The following BRINP2 variants were observed in gnomAD, a reference collection of about 807,000 sequenced individuals.
BRINP2 encodes the protein BMP/retinoic acid-inducible neural-specific protein 2.
In BRINP2, 21 loss-of-function variants were observed where a neutral mutation model predicts 69.2. That is an observed-to-expected ratio of 0.30 (90% confidence interval 0.22 to 0.44). The LOEUF (loss-of-function observed/expected upper bound fraction) is 0.44, where lower values mean the gene tolerates loss of function less well. Among genes scored for constraint, BRINP2 ranks in the 20% least tolerant of loss-of-function variants. BRINP2 has a pLI of 1.00. For missense variants in BRINP2, 877 were observed against 986.0 expected, an observed-to-expected ratio of 0.89 and a Z score of 1.48; for synonymous variants, 380 against 394.1, an observed-to-expected ratio of 0.96 and a Z score of 0.42.
At chr1:177,238,682 C>G (rs1169759506) in intron 2 of BRINP2, among the ~76,000 whole-genome samples, 1 of 152,072 alleles carries the variant, frequency 6.6e-6, no homozygotes, top group East Asian at 1.9e-4. Context: ...CCCCAATTCT[C>G]CCATGGGAAG....
chr1:177,226,135 C>T (rs1649683264), intron 1 of BRINP2, among the ~76,000 whole-genome samples: 2 of 152,214 alleles, frequency 1.3e-5, no homozygotes, highest in South Asian at 4.1e-4. Flanking sequence ...GTGCTCTCAC[C>T]TGTCCTTAGA....
chr1:177,243,639 T>C (rs1320145123), intron 2 of BRINP2, among the ~76,000 whole-genome samples: 1 of 152,164 alleles, frequency 6.6e-6, no homozygotes, highest in Non-Finnish European at 1.5e-5. Flanking sequence ...ATTGGATAGA[T>C]ACAATCAAGA....
rs149517241 is a variant in BRINP2 at position 177,227,804 on chromosome 1, A to T, written c.-76-1997A>T. Among the ~76,000 whole-genome samples, 47 of 152,292 alleles carry T rather than the reference A, an allele frequency of 3.1e-4. 1 individual carries two copies. In the East Asian group the frequency reaches 7.0e-3, roughly 23 times the overall value. On this transcript the variant is annotated intron_variant, in intron 1 of 7. Transcript: ENST00000361539. The stretch of plus-strand genomic sequence containing the variant: ...TTCATATACTAAGTTCTAATATATA[A>T]AAAGGTTTATTTCTGAGCTATCTAT...
At chr1:177,191,902 AC>A (rs1158917432) in intron 1 of BRINP2, among the ~76,000 whole-genome samples, 6 of 152,350 alleles carry the variant, frequency 3.9e-5, no homozygotes, top group African/African-American at 1.4e-4. Context: ...AATCACCTTT[AC>A]AAAGAGAAGA....
At chr1:177,252,272 G>T (rs1422229898) in intron 2 of BRINP2, among the ~76,000 whole-genome samples, 11 of 152,132 alleles carry the variant, frequency 7.2e-5, no homozygotes, top group Non-Finnish European at 1.5e-4. Context: ...CGGGAATTTT[G>T]AAGACTTTGT....
chr1:177,217,274 T>C (rs1649407510), intron 1 of BRINP2, among the ~76,000 whole-genome samples: 1 of 152,158 alleles, frequency 6.6e-6, no homozygotes, highest in African/African-American at 2.4e-5. Flanking sequence ...CTCAGCTTGA[T>C]AAAGTCAGCT....
At chr1:177,250,919 A>G (rs1472455373) in intron 2 of BRINP2, among the ~76,000 whole-genome samples, 1 of 152,252 alleles carries the variant, frequency 6.6e-6, no homozygotes, top group Non-Finnish European at 1.5e-5. Flanking sequence ...CATCTATAAA[A>G]TGAAGATAAT....
chr1:177,251,784 A>G (rs900826538), intron 2 of BRINP2, among the ~76,000 whole-genome samples: 3 of 152,178 alleles, frequency 2.0e-5, no homozygotes, highest in African/African-American at 7.2e-5. Flanking sequence ...TTTATTTATT[A>G]TATTTAATTA....
intron 4 of BRINP2, among the ~76,000 whole-genome samples, chr1:177,263,760 A>G (rs573763808): frequency 6.6e-6 from 1 of 152,268 alleles, no homozygotes; most frequent in African/African-American, 2.4e-5. Flanking sequence ...GAGGTAGGGT[A>G]TATTTGAGAG....
At position 177,276,530 on chromosome 1, in the gene BRINP2, A is replaced by T. The variant is rs74488978; in HGVS notation, c.1012+96A>T. The T allele has an allele frequency of 3.4e-3, 3,867 of 1,137,596 alleles. 96 individuals are homozygous for T. In the African/African-American group the frequency reaches 0.053, roughly 16 times the overall value. 70.5% of individuals were successfully genotyped at this position (1,137,596 alleles called of 1,614,324 possible). ...CAAAACTTGAGAGTTGAGGATCCTC[A>T]TGGGGATCCTGACATGACCACTTAA... On this transcript the variant is annotated intron_variant, in intron 6 of 7. Transcript: ENST00000361539.
chr1:177,232,007 C>G (rs1649873197), intron 2 of BRINP2, among the ~76,000 whole-genome samples: 1 of 152,180 alleles, frequency 6.6e-6, no homozygotes, highest in Non-Finnish European at 1.5e-5. Flanking sequence ...AAAATCCACT[C>G]TAGAATGTGC....
At chr1:177,201,025 G>T (rs534258129) in intron 1 of BRINP2, among the ~76,000 whole-genome samples, 117 of 152,022 alleles carry the variant, frequency 7.7e-4, no homozygotes, top group Non-Finnish European at 1.4e-3. Context: ...TGGACTTTGG[G>T]GACTCAGGGG....
chr1:177,245,160 A>T (rs1650335221), intron 2 of BRINP2, among the ~76,000 whole-genome samples: 1 of 152,134 alleles, frequency 6.6e-6, no homozygotes, highest in Admixed American at 6.5e-5. Context: ...GATAATGGTC[A>T]TAGTGATGGT....
intron 1 of BRINP2, among the ~76,000 whole-genome samples, chr1:177,219,149 T>C (rs940593626): frequency 1.3e-5 from 2 of 152,226 alleles, no homozygotes; most frequent in Non-Finnish European, 2.9e-5. Context: ...TTAGAAATGA[T>C]GCTTTGTGGT....
chr1:177,241,621 G>T (rs2102333827), intron 2 of BRINP2, among the ~76,000 whole-genome samples: 1 of 152,112 alleles, frequency 6.6e-6, no homozygotes, highest in East Asian at 1.9e-4. Context: ...TTGACATAAG[G>T]TTTTCTTCCT....
At chr1:177,195,150 T>G (rs937602281) in intron 1 of BRINP2, among the ~76,000 whole-genome samples, 2 of 152,138 alleles carry the variant, frequency 1.3e-5, no homozygotes, top group Non-Finnish European at 2.9e-5. Context: ...TCATTGTATT[T>G]GGTTCTAAAT....
chr1:177,206,548 A>G (rs1336067490), intron 1 of BRINP2, among the ~76,000 whole-genome samples: 1 of 152,184 alleles, frequency 6.6e-6, no homozygotes, highest in Non-Finnish European at 1.5e-5. Flanking sequence ...TTTTATAGCT[A>G]AATCTTACGT....
chr1:177,267,214 C>T (rs187506001), intron 4 of BRINP2, among the ~76,000 whole-genome samples: 329 of 152,046 alleles, frequency 2.2e-3, no homozygotes, highest in African/African-American at 7.4e-3. Context: ...AATATCACAG[C>T]TCTCCAAAGA....
intron 1 of BRINP2, among the ~76,000 whole-genome samples, chr1:177,196,984 G>T (rs1648766359): frequency 6.6e-6 from 1 of 152,054 alleles, no homozygotes. Flanking sequence ...TCTCAAACGT[G>T]ACTGTGTCTA....
Sources: gnomAD v4.1 joint callset for allele counts (sites outside exome capture counted in the v4.1 genomes callset) on GRCh38, gnomAD v4.1.1 for gene constraint, MANE v1.5 for transcripts, NCBI Gene and HGNC (gene_info 2026-07-23, HGNC 2026-07-21) for gene names.